The following STX8 variants were observed in gnomAD, a reference collection of about 807,000 sequenced individuals.
The protein encoded by STX8 is syntaxin-8.
A neutral mutation model predicts 37.5 loss-of-function variants in STX8; 23 were observed. The observed-to-expected ratio is 0.61, with a 90% CI of 0.44 to 0.87. The LOEUF is 0.87. Ranked by LOEUF, STX8 falls within the 40% of genes least tolerant of loss-of-function variation. The pLI is 0.00. For synonymous variants in STX8, 115 were observed against 99.1 expected (o/e 1.16, Z -0.95); for missense variants, 313 against 284.7 (o/e 1.10, Z -0.71).
At chr17:9,533,368 G>A (rs779897724) in intron 4 of STX8, among the ~76,000 whole-genome samples, 16 of 152,190 alleles carry the variant, frequency 1.1e-4, no homozygotes, top group Non-Finnish European at 1.9e-4. Context: ...CTTGGGAGCT[G>A]AGGCAGGAGA....
At chr17:9,571,474 A>G (rs372808357) in intron 1 of STX8, among the ~76,000 whole-genome samples, 3 of 87,686 alleles carry the variant, frequency 3.4e-5, no homozygotes, top group African/African-American at 9.9e-5. Flanking sequence ...CTAGTTTAGA[A>G]AAAGTAATTG....
intron 7 of STX8, among the ~76,000 whole-genome samples, chr17:9,255,135 A>G (rs1229654605): frequency 6.6e-6 from 1 of 152,156 alleles, no homozygotes; most frequent in African/African-American, 2.4e-5. Context: ...TATTATTAAT[A>G]CAGTGGTGGC....
At chr17:9,527,072 G>C (rs1013902009) in intron 4 of STX8, among the ~76,000 whole-genome samples, 3 of 147,386 alleles carry the variant, frequency 2.0e-5, no homozygotes, top group African/African-American at 7.5e-5. Flanking sequence ...CCAGCTACTC[G>C]GGAGGCTGAG....
chr17:9,465,513 T>C (rs1323503719), intron 6 of STX8, among the ~76,000 whole-genome samples: 1 of 152,134 alleles, frequency 6.6e-6, no homozygotes, highest in East Asian at 1.9e-4. Flanking sequence ...CAGGGATGAA[T>C]TGTGCGTGGT....
intron 7 of STX8, among the ~76,000 whole-genome samples, chr17:9,254,853 A>G (rs930506193): frequency 2.6e-5 from 4 of 151,704 alleles, no homozygotes; most frequent in South Asian, 2.1e-4. Context: ...ACGTGTGTGC[A>G]TGTGTGTGTG....
rs73973728 is a variant in STX8 at position 9,406,704 on chromosome 17, C to T, written c.542-28051G>A. On this transcript the variant is annotated intron_variant, in intron 6 of 7. Coordinates refer to ENST00000306357, the MANE Select transcript of STX8 (RefSeq NM_004853.3). ...TCTGCATATATTTTTAGCATTTTTACGTAGCTAACTTTTTCTTAAAAATTT... is the reference window on the plus strand; with the variant it reads ...TCTGCATATATTTTTAGCATTTTTATGTAGCTAACTTTTTCTTAAAAATTT... Among the ~76,000 whole-genome samples, 1,300 of 152,244 alleles carry T rather than the reference C, an allele frequency of 8.5e-3. 18 individuals carry two copies. Among genetic ancestry groups the T allele is most frequent in the African/African-American group, 0.029 (1,198 of 41,536 alleles).
At chr17:9,430,072 TATATA>T (rs1435409693) in intron 6 of STX8, among the ~76,000 whole-genome samples, 1 of 68,456 alleles carries the variant, frequency 1.5e-5, no homozygotes, top group East Asian at 3.2e-4. Flanking sequence ...ATATATATTC[TATATA>T]ATATATATAT....
At chr17:9,357,781 A>G (rs1168595059) in intron 7 of STX8, among the ~76,000 whole-genome samples, 1 of 152,198 alleles carries the variant, frequency 6.6e-6, no homozygotes, top group Non-Finnish European at 1.5e-5. Flanking sequence ...GAAGGGCGCA[A>G]TGCCTCATCT....
At chr17:9,371,051 G>A (rs1182798147) in intron 7 of STX8, among the ~76,000 whole-genome samples, 1 of 152,110 alleles carries the variant, frequency 6.6e-6, no homozygotes, top group Non-Finnish European at 1.5e-5. Flanking sequence ...TGAGTGAAAG[G>A]TTCACAAAGA....
At chr17:9,332,713 G>A (rs75725824) in intron 7 of STX8, among the ~76,000 whole-genome samples, 2,091 of 152,204 alleles carry the variant, frequency 0.014, 36 homozygotes, top group African/African-American at 0.047. Flanking sequence ...GGGCCTTCTG[G>A]CTGTCTAGAC....
intron 6 of STX8, among the ~76,000 whole-genome samples, chr17:9,475,597 G>C (rs1567576796): frequency 6.6e-6 from 1 of 152,162 alleles, no homozygotes; most frequent in African/African-American, 2.4e-5. Context: ...TTGCCTGGGA[G>C]TGCGCATGGT....
At chr17:9,298,640 C>T (rs963006280) in intron 7 of STX8, among the ~76,000 whole-genome samples, 1 of 152,042 alleles carries the variant, frequency 6.6e-6, no homozygotes, top group East Asian at 1.9e-4. Context: ...GGTGAAACCC[C>T]GTCTCTACTA....
chr17:9,569,116 C>G (rs1384037149), intron 1 of STX8, among the ~76,000 whole-genome samples: 1 of 152,222 alleles, frequency 6.6e-6, no homozygotes, highest in East Asian at 1.9e-4. Flanking sequence ...AGAGCCGGGG[C>G]TCTTAACAAC....
At chr17:9,448,523 A>C (rs1251054827) in intron 6 of STX8, among the ~76,000 whole-genome samples, 5 of 143,690 alleles carry the variant, frequency 3.5e-5, no homozygotes, top group Non-Finnish European at 7.7e-5. Flanking sequence ...GTTCCTAAGC[A>C]CAAGAAGGCT....
In STX8 at chr17:9,270,418, T is replaced by C. The variant is rs146811176; in HGVS notation, c.644-19773A>G. Reference sequence around the variant, plus strand: ...GCCCGCCACCACGCCCGGCTAATTTTTTTTTTTTGTATTTTTTAGTAGAGA... The same window carrying C: ...GCCCGCCACCACGCCCGGCTAATTTCTTTTTTTTGTATTTTTTAGTAGAGA... On this transcript the variant is annotated intron_variant, in intron 7 of 7. Coordinates refer to ENST00000306357, the MANE Select transcript of STX8 (RefSeq NM_004853.3). 5.2e-3 allele frequency among the ~76,000 whole-genome samples: 795 copies of C among 152,170 alleles called. 5 individuals are homozygous for C. The highest frequency in any genetic ancestry group is 0.017 in the African/African-American group (721 of 41,534).
rs145952532 is a variant in STX8 at position 9,260,349 on chromosome 17, C to T, written c.644-9704G>A. 4.2e-3 allele frequency among the ~76,000 whole-genome samples: 637 copies of T among 151,904 alleles called. 1 individual carries two copies. Among genetic ancestry groups the T allele is most frequent in the African/African-American group, 0.015 (606 of 41,434 alleles). On this transcript the variant is annotated intron_variant, in intron 7 of 7. Transcript: ENST00000306357. ...TAAAAGAAAAGTCAAGAAGGCCGGG[C>T]GCGGTGGCTCACACCTGTAATCCCA...
intron 6 of STX8, among the ~76,000 whole-genome samples, chr17:9,482,461 T>C (rs1906387275): frequency 6.6e-6 from 1 of 152,164 alleles, no homozygotes; most frequent in Non-Finnish European, 1.5e-5. Context: ...TTTGGGGAAT[T>C]CTGATATCAG....
rs548062698 is a variant in STX8, at chr17:9,359,263, G to T, written c.643+19289C>A. On this transcript the variant is annotated intron_variant, in intron 7 of 7. Coordinates refer to ENST00000306357, the MANE Select transcript of STX8 (RefSeq NM_004853.3). Reference sequence around the variant, plus strand: ...TCAACATGTTGGCCAGGCTGGTATTGAACTCCTGACCTCAGGTGGAACTAA... The same window carrying T: ...TCAACATGTTGGCCAGGCTGGTATTTAACTCCTGACCTCAGGTGGAACTAA... Among the ~76,000 whole-genome samples, 8 of 151,990 alleles carry T rather than the reference G, an allele frequency of 5.3e-5. No homozygotes were observed. In the South Asian group the frequency reaches 1.7e-3, roughly 32 times the overall value.
intron 6 of STX8, among the ~76,000 whole-genome samples, chr17:9,488,407 A>G (rs544077063): frequency 1.3e-5 from 2 of 152,200 alleles, no homozygotes; most frequent in South Asian, 4.2e-4. Flanking sequence ...GTCTGTGAAT[A>G]TGTTAGGTTA....
Sources: allele counts gnomAD v4.1 joint callset (sites outside exome capture counted in the v4.1 genomes callset), GRCh38; gene constraint gnomAD v4.1.1; transcripts MANE v1.5; gene names NCBI Gene and HGNC (gene_info 2026-07-23, HGNC 2026-07-21).